VEPH1: variants seen among roughly 807,000 people sequenced by gnomAD.
The protein encoded by VEPH1 is ventricular zone expressed PH domain containing 1.
A neutral mutation model predicts 85.2 loss-of-function variants in VEPH1; 80 were observed. The observed-to-expected ratio is 0.94, with a 90% confidence interval of 0.78 to 1.13. The LOEUF is 1.13. VEPH1 is among the 50% of genes most tolerant of loss of function. VEPH1 has a pLI of 0.00. For missense variants in VEPH1, 955 were observed against 980.5 expected (o/e 0.97, Z 0.35); for synonymous variants, 297 against 348.0 (o/e 0.85, Z 1.63).
chr3:157,339,047 G>C (rs964476678), intron 9 of VEPH1, among the ~76,000 whole-genome samples: 1 of 152,142 alleles, frequency 6.6e-6, no homozygotes, highest in African/African-American at 2.4e-5. Context: ...TTGTGGTTAG[G>C]GTTCTCCACT....
rs886606024 is a variant in VEPH1, at chr3:157,335,723, C to CT, written c.1736-18523dup. Among the ~76,000 whole-genome samples, 12 of 151,898 alleles carry CT rather than the reference C, an allele frequency of 7.9e-5. No individual in the cohort carries two copies. The East Asian group carries it at 1.5e-3, about 20-fold the overall frequency. ...AAAAGAAATCAGTCAACTATGCGTA[C>CT]TTTTTTTTTCTCATCAATTCTCCAA... On this transcript the variant is annotated intron_variant, in intron 9 of 13. Coordinates refer to ENST00000362010, the MANE Select transcript of VEPH1 (RefSeq NM_001167912.2).
intron 7 of VEPH1, among the ~76,000 whole-genome samples, chr3:157,376,226 C>A (rs1348735148): frequency 1.3e-5 from 2 of 152,174 alleles, no homozygotes; most frequent in African/African-American, 2.4e-5. Context: ...CTGTGCCTAA[C>A]CTCCTACTAA....
chr3:157,395,172 G>C (rs910513622), intron 6 of VEPH1, among the ~76,000 whole-genome samples: 6 of 152,180 alleles, frequency 3.9e-5, no homozygotes, highest in Non-Finnish European at 5.9e-5. Context: ...CAGTCGACAA[G>C]GCAGTTCTGC....
chr3:157,322,077 G>C (rs184247173), intron 9 of VEPH1, among the ~76,000 whole-genome samples: 194 of 152,080 alleles, frequency 1.3e-3, no homozygotes, highest in South Asian at 2.9e-3. Context: ...ATCCTTCCTA[G>C]TTGAAACCCT....
At chr3:157,494,192 C>G (rs991601337) in intron 2 of VEPH1, among the ~76,000 whole-genome samples, 2 of 152,180 alleles carry the variant, frequency 1.3e-5, no homozygotes, top group African/African-American at 4.8e-5. Flanking sequence ...GAAGAGGAGG[C>G]TGCACGGGTT....
At position 157,460,337 on chromosome 3, in the gene VEPH1, C is replaced by T; in HGVS notation, c.373G>A (p.Val125Met). Residue 125 changes from valine to methionine, a missense_variant, in exon 4 of 14, where the codon GTG becomes ATG. Physicochemically the swap from Val to Met is conservative, Grantham distance 21 (BLOSUM62 1). Transcript: ENST00000362010. ...GCAATGGGGATGGCTAATGCCATCACTGGGGGTCGGTTGTAATTCTGAGGA... is the reference window on the plus strand; with the variant it reads ...GCAATGGGGATGGCTAATGCCATCATTGGGGGTCGGTTGTAATTCTGAGGA... ...CILQNYNRPP[V>M]MALAIPIAVK... 6.2e-7 allele frequency: 1 copy of T among 1,612,846 alleles called. No homozygotes were observed. The highest frequency in any genetic ancestry group is 8.5e-7 in the Non-Finnish European group (1 of 1,178,994).
intron 9 of VEPH1, among the ~76,000 whole-genome samples, chr3:157,336,847 T>C (rs1269685160): frequency 1.3e-5 from 2 of 152,202 alleles, no homozygotes; most frequent in East Asian, 1.9e-4. Context: ...GAATTATCTA[T>C]AGTTGTTTTC....
chr3:157,319,438 C>T (rs1332932269), intron 9 of VEPH1, among the ~76,000 whole-genome samples: 1 of 152,012 alleles, frequency 6.6e-6, no homozygotes, highest in East Asian at 1.9e-4. Context: ...AATTGTTTGA[C>T]AATGATATAC....
At chr3:157,367,628 C>T (rs1726861575) in intron 7 of VEPH1, among the ~76,000 whole-genome samples, 1 of 152,070 alleles carries the variant, frequency 6.6e-6, no homozygotes, top group South Asian at 2.1e-4. Flanking sequence ...ACTTGTAACC[C>T]AAAATGTAAG....
Position 157,421,566 on chromosome 3 carries a change from T to TC in VEPH1, c.696+6755dup, listed in dbSNP as rs1213855571. Among the ~76,000 whole-genome samples the TC allele has an allele frequency of 2.6e-5, 4 of 152,204 alleles. 1 individual carries two copies. The Middle Eastern group carries it at 9.5e-3, about 361-fold the overall frequency. On this transcript the variant is annotated intron_variant, in intron 5 of 13. Transcript: ENST00000362010. ...TCTGGTTGTCGCCACTTATTTCCCTTCTCAGTAAACCCTTTCTCCACATTT... is the reference window on the plus strand; with the variant it reads ...TCTGGTTGTCGCCACTTATTTCCCTTCCTCAGTAAACCCTTTCTCCACATTT...
intron 12 of VEPH1, among the ~76,000 whole-genome samples, chr3:157,266,545 C>T (rs1390090804): frequency 1.3e-5 from 2 of 152,168 alleles, no homozygotes; most frequent in East Asian, 3.9e-4. Flanking sequence ...TCCACAAGGG[C>T]AGGGTCTTTG....
At chr3:157,359,917 T>C (rs1725859420) in intron 9 of VEPH1, among the ~76,000 whole-genome samples, 1 of 152,234 alleles carries the variant, frequency 6.6e-6, no homozygotes, top group Non-Finnish European at 1.5e-5. Context: ...CTTAACACTT[T>C]GTTGTTATTT....
intron 12 of VEPH1, among the ~76,000 whole-genome samples, chr3:157,274,394 G>A (rs1386334202): frequency 3.3e-5 from 5 of 152,334 alleles, no homozygotes; most frequent in African/African-American, 1.2e-4. Context: ...CAGAGTAAGA[G>A]AGGGACTCCT....
intron 5 of VEPH1, among the ~76,000 whole-genome samples, chr3:157,419,648 T>C (rs1732184222): frequency 6.6e-6 from 1 of 151,926 alleles, no homozygotes; most frequent in Non-Finnish European, 1.5e-5. Context: ...GTCAGAATAG[T>C]GATTACTAAA....
chr3:157,329,487 T>C (rs1296836716), intron 9 of VEPH1, among the ~76,000 whole-genome samples: 1 of 152,232 alleles, frequency 6.6e-6, no homozygotes, highest in East Asian at 1.9e-4. Context: ...TAGAGGTCAA[T>C]ATATCTTTGA....
chr3:157,282,044 C>G (rs887367799), intron 12 of VEPH1, among the ~76,000 whole-genome samples: 3 of 152,174 alleles, frequency 2.0e-5, no homozygotes, highest in African/African-American at 7.2e-5. Flanking sequence ...AGGAGACCCA[C>G]AACTGCTGTT....
chr3:157,286,889 C>T (rs780084765), intron 11 of VEPH1, among the ~76,000 whole-genome samples: 20 of 152,148 alleles, frequency 1.3e-4, no homozygotes, highest in Non-Finnish European at 2.8e-4. Flanking sequence ...GCAGCGGGAG[C>T]GAGCACAGGC....
In VEPH1 at chr3:157,362,219, C is replaced by T. The variant is rs145709425; in HGVS notation, c.1735+1145G>A. ...CTAATTTCTGTATTTGCAGTAGAGA[C>T]GGGGTTTCACCATGTTGGCCAGGCT... On this transcript the variant is annotated intron_variant, in intron 9 of 13. Coordinates refer to ENST00000362010, the MANE Select transcript of VEPH1 (RefSeq NM_001167912.2). 3.4e-4 allele frequency among the ~76,000 whole-genome samples: 52 copies of T among 151,998 alleles called. 1 individual carries two copies. In the East Asian group the frequency reaches 7.6e-3, roughly 22 times the overall value.
In VEPH1 at chr3:157,363,488, A is replaced by T. The variant is rs1726284882; in HGVS notation, c.1611T>A (p.Thr537=). Residue 537 remains threonine, a synonymous_variant, in exon 9 of 14, where the codon ACT becomes ACA. Transcript: ENST00000362010. ...TATCTTGGTATTCTATAGGACTTGC[A>T]GTTGTCTCTGGAGTTTCTTCCTGGG... ...ENSQEETPET[T]ASPIEYQDKL... 1 of 1,613,888 alleles carries T rather than the reference A, an allele frequency of 6.2e-7. No individual in the cohort carries two copies. Among genetic ancestry groups the T allele is most frequent in the African/African-American group, 1.3e-5 (1 of 74,854 alleles).
Sources: gnomAD v4.1 joint callset for allele counts (sites outside exome capture counted in the v4.1 genomes callset) on GRCh38, gnomAD v4.1.1 for gene constraint, MANE v1.5 for transcripts, NCBI Gene and HGNC (gene_info 2026-07-23, HGNC 2026-07-21) for gene names.